PAK5: variants seen among roughly 807,000 people sequenced by gnomAD.
PAK5 encodes the protein p21 (RAC1) activated kinase 5.
In PAK5, 16 loss-of-function variants were observed where a neutral mutation model predicts 65.9. The observed-to-expected ratio is 0.24, with a 90% CI of 0.16 to 0.37. The LOEUF (loss-of-function observed/expected upper bound fraction) is 0.37. Among genes scored for constraint, PAK5 ranks in the 10% least tolerant of loss-of-function variants. PAK5 has a pLI of 1.00. For synonymous variants in PAK5, 371 were observed against 354.9 expected (o/e 1.05, Z -0.51); for missense variants, 785 against 903.9 (o/e 0.87, Z 1.69).
chr20:9,632,651 G>C (rs538759939), intron 3 of PAK5, among the ~76,000 whole-genome samples: 2 of 152,284 alleles, frequency 1.3e-5, no homozygotes, highest in South Asian at 4.1e-4. Context: ...CTACATGATC[G>C]AATCAAAAGC....
chr20:9,620,476 C>T (rs2046748430), intron 3 of PAK5, among the ~76,000 whole-genome samples: 1 of 152,206 alleles, frequency 6.6e-6, no homozygotes, highest in Non-Finnish European at 1.5e-5. Flanking sequence ...GCGTCTGGGG[C>T]TGATGGGCAG....
At chr20:9,794,903 C>A (rs2206481) in intron 1 of PAK5, among the ~76,000 whole-genome samples, 58,958 of 151,766 alleles carry the variant, frequency 0.39, 11,859 homozygotes, top group Admixed American at 0.46. Context: ...CACTCTCATT[C>A]CCTTTCCTAC....
intron 2 of PAK5, among the ~76,000 whole-genome samples, chr20:9,691,486 C>T (rs2047797185): frequency 6.6e-6 from 1 of 152,188 alleles, no homozygotes; most frequent in South Asian, 2.1e-4. Context: ...GTCTGTACCA[C>T]CTTGACTGAA....
chr20:9,611,561 A>G (rs551463038), intron 3 of PAK5, among the ~76,000 whole-genome samples: 1 of 152,282 alleles, frequency 6.6e-6, no homozygotes, highest in South Asian at 2.1e-4. Flanking sequence ...GATGCCATAT[A>G]AGCCCCAAGG....
chr20:9,577,075 C>A (rs562059747), intron 4 of PAK5, among the ~76,000 whole-genome samples: 1 of 152,238 alleles, frequency 6.6e-6, no homozygotes, highest in East Asian at 1.9e-4. Flanking sequence ...TGTCTGCAGG[C>A]GAGGGTGGAA....
intron 1 of PAK5, among the ~76,000 whole-genome samples, chr20:9,726,859 G>T (rs2048283453): frequency 6.6e-6 from 1 of 152,148 alleles, no homozygotes; most frequent in African/African-American, 2.4e-5. Context: ...GACCAAAAAG[G>T]ATGATCAACT....
intron 2 of PAK5, among the ~76,000 whole-genome samples, chr20:9,686,246 G>T (rs759503465): frequency 9.9e-5 from 15 of 152,082 alleles, no homozygotes; most frequent in Non-Finnish European, 1.9e-4. Context: ...CTCAGAAGCT[G>T]ACCCATGTGG....
intron 2 of PAK5, among the ~76,000 whole-genome samples, chr20:9,699,400 G>A (rs1600257716): frequency 6.6e-6 from 1 of 151,750 alleles, no homozygotes; most frequent in Non-Finnish European, 1.5e-5. Context: ...TCATCCCCCA[G>A]GTATGAGAAA....
rs2045208703 is a variant in PAK5 at position 9,538,667 on chromosome 20, C to T, written c.*795G>A. 1 of 233,162 alleles carries T rather than the reference C, an allele frequency of 4.3e-6. No homozygotes were observed. Among genetic ancestry groups the T allele is most frequent in the African/African-American group, 2.2e-5 (1 of 45,320 alleles). 14.4% of individuals were successfully genotyped at this position (233,162 alleles called of 1,614,324 possible). A position where few individuals can be genotyped will look rare whatever the true frequency, so the allele number is the denominator to read the frequency against. On this transcript the variant is annotated 3_prime_UTR_variant, in exon 10 of 10. Coordinates refer to ENST00000353224, the MANE Select transcript of PAK5 (RefSeq NM_177990.4). ...TAGAGGCGTTCATGGAAAATGTGAT[C>T]TTTAAAAATATTTAACTTTATCCCA... is the stretch of plus-strand genomic sequence containing the variant.
intron 1 of PAK5, among the ~76,000 whole-genome samples, chr20:9,787,701 T>C (rs1199413112): frequency 1.3e-5 from 2 of 151,728 alleles, no homozygotes; most frequent in Non-Finnish European, 2.9e-5. Flanking sequence ...GTTTAACTAC[T>C]GGCTTTCCAA....
chr20:9,647,102 G>T (rs1883356103), intron 2 of PAK5, among the ~76,000 whole-genome samples: 1 of 152,140 alleles, frequency 6.6e-6, no homozygotes, highest in African/African-American at 2.4e-5. Flanking sequence ...CCATTTTTAG[G>T]TTTCTATTTT....
At chr20:9,625,257 C>G (rs981834079) in intron 3 of PAK5, among the ~76,000 whole-genome samples, 8 of 152,214 alleles carry the variant, frequency 5.3e-5, no homozygotes, top group African/African-American at 1.9e-4. Flanking sequence ...ACTCCTTCAT[C>G]CTGATGTTCT....
At chr20:9,782,494 A>G (rs889954466) in intron 1 of PAK5, among the ~76,000 whole-genome samples, 4 of 152,180 alleles carry the variant, frequency 2.6e-5, no homozygotes, top group African/African-American at 9.7e-5. Context: ...CAGGGATATT[A>G]AAATATAAAA....
chr20:9,765,631 A>G (rs2048748474), intron 1 of PAK5, among the ~76,000 whole-genome samples: 1 of 152,136 alleles, frequency 6.6e-6, no homozygotes, highest in South Asian at 2.1e-4. Flanking sequence ...CAGATGCTGC[A>G]AATCAACCCT....
chr20:9,704,171 G>C (rs2123470123), intron 2 of PAK5, among the ~76,000 whole-genome samples: 1 of 152,248 alleles, frequency 6.6e-6, no homozygotes, highest in African/African-American at 2.4e-5. Context: ...CTCCTTGGCA[G>C]CCCTACCAGC....
chr20:9,632,112 A>C (rs1394258348), intron 3 of PAK5, among the ~76,000 whole-genome samples: 4 of 152,222 alleles, frequency 2.6e-5, no homozygotes, highest in Admixed American at 2.6e-4. Flanking sequence ...GATTATTTTC[A>C]GTTAGGTCAC....
chr20:9,805,505 T>C (rs1433821912), intron 1 of PAK5, among the ~76,000 whole-genome samples: 1 of 152,314 alleles, frequency 6.6e-6, no homozygotes, highest in South Asian at 2.1e-4. Context: ...ATAAACAAGA[T>C]GTGGTATATT....
At chr20:9,750,570 T>C (rs929955958) in intron 1 of PAK5, among the ~76,000 whole-genome samples, 4 of 152,140 alleles carry the variant, frequency 2.6e-5, no homozygotes, top group South Asian at 2.1e-4. Context: ...GTCATGGTTT[T>C]TATGTATAAG....
intron 1 of PAK5, among the ~76,000 whole-genome samples, chr20:9,792,313 A>G (rs1271022998): frequency 6.6e-6 from 1 of 152,182 alleles, no homozygotes; most frequent in Non-Finnish European, 1.5e-5. Context: ...TACCATGTCT[A>G]AGGGTTGCGG....
Sources: allele counts gnomAD v4.1 joint callset (sites outside exome capture counted in the v4.1 genomes callset), GRCh38; gene constraint gnomAD v4.1.1; transcripts MANE v1.5; gene names NCBI Gene and HGNC (gene_info 2026-07-23, HGNC 2026-07-21).